KCNK2: variants seen among roughly 807,000 people sequenced by gnomAD.
The protein encoded by KCNK2 is potassium two pore domain channel subfamily K member 2.
Under a neutral mutation model 40.5 loss-of-function variants are expected in KCNK2, and 21 were observed. That is an observed-to-expected ratio of 0.52 (90% CI 0.37 to 0.75). KCNK2 has a LOEUF of 0.75. Ranked by LOEUF, KCNK2 falls within the 30% of genes least tolerant of loss-of-function variation. The pLI is 0.00. For synonymous variants in KCNK2, 191 were observed against 202.2 expected (o/e 0.94, Z 0.47); for missense variants, 399 against 531.6 (o/e 0.75, Z 2.45).
At chr1:215,056,137 C>G (rs1278295826) in intron 1 of KCNK2, among the ~76,000 whole-genome samples, 1 of 151,718 alleles carries the variant, frequency 6.6e-6, no homozygotes, top group South Asian at 2.1e-4. Flanking sequence ...GGAGAAACCC[C>G]GTCTCTACTA....
chr1:215,175,465 GT>G (rs1197547331), intron 5 of KCNK2, among the ~76,000 whole-genome samples: 7 of 147,084 alleles, frequency 4.8e-5, no homozygotes, highest in Non-Finnish European at 1.1e-4. Context: ...TTTTTGTTTT[GT>G]TAAGCACATA....
In KCNK2 at chr1:215,067,524, T is replaced by C. The variant is rs926725152; in HGVS notation, c.35-18844T>C. Among the ~76,000 whole-genome samples, 6 of 152,156 alleles carry C rather than the reference T, an allele frequency of 3.9e-5. No individual in the cohort carries two copies. The South Asian group carries it at 1.2e-3, about 32-fold the overall frequency. On this transcript the variant is annotated intron_variant, in intron 1 of 6. Coordinates refer to the KCNK2 transcript ENST00000391895. ...GGCTTCTAAATAGAATGATTGACTCTATAAGGACCCTTTCCTAGAAGACTT... is the reference window on the plus strand; with the variant it reads ...GGCTTCTAAATAGAATGATTGACTCCATAAGGACCCTTTCCTAGAAGACTT...
At chr1:215,115,027 G>GTA (rs1660867829) in intron 2 of KCNK2, among the ~76,000 whole-genome samples, 1 of 134,838 alleles carries the variant, frequency 7.4e-6, no homozygotes, top group African/African-American at 2.9e-5. Flanking sequence ...GTGTGTGTGT[G>GTA]TACAAAGCTT....
chr1:215,122,763 T>TTTGG (rs1661246846), intron 2 of KCNK2, among the ~76,000 whole-genome samples: 1 of 146,198 alleles, frequency 6.8e-6, no homozygotes. Flanking sequence ...TTTTTTTTTT[T>TTTGG]GAAATGGAGT....
rs147912268 is a variant in KCNK2, at chr1:215,099,350, T to C, written c.357+12672T>C. On this transcript the variant is annotated intron_variant, in intron 2 of 6. Coordinates refer to ENST00000444842, the MANE Select transcript of KCNK2 (RefSeq NM_001017425.3). ...CCCTGAAAAGGACACGATCTCATTC[T>C]TTTTTATGGCTGCATGGTATTCATT... is the stretch of plus-strand genomic sequence containing the variant. Among the ~76,000 whole-genome samples the C allele has an allele frequency of 2.9e-3, 441 of 152,108 alleles. 2 individuals are homozygous for C. Among genetic ancestry groups the C allele is most frequent in the African/African-American group, 8.4e-3 (351 of 41,548 alleles).
intron 2 of KCNK2, among the ~76,000 whole-genome samples, chr1:215,112,680 A>G (rs1660745337): frequency 6.6e-6 from 1 of 152,110 alleles, no homozygotes; most frequent in African/African-American, 2.4e-5. Context: ...TTACTTTTAT[A>G]CCCAATTTTT....
chr1:215,018,047 T>C (rs1164638318), intron 1 of KCNK2, among the ~76,000 whole-genome samples: 3 of 152,184 alleles, frequency 2.0e-5, no homozygotes, highest in Non-Finnish European at 4.4e-5. Flanking sequence ...TAATTTTATA[T>C]AAATTGCATA....
At chr1:215,169,156 A>T in intron 3 of KCNK2, 43 bp from the exon 4 acceptor site, 1 of 1,498,380 alleles carries the variant, frequency 6.7e-7, no homozygotes. Flanking sequence ...CATATGTTTT[A>T]AACAACTATT....
chr1:215,097,633 G>A (rs1296461562), intron 2 of KCNK2, among the ~76,000 whole-genome samples: 1 of 151,966 alleles, frequency 6.6e-6, no homozygotes, highest in Non-Finnish European at 1.5e-5. Context: ...AGCAGATAAA[G>A]TGTAATGGTT....
chr1:215,185,865 A>C (rs1361618440), intron 5 of KCNK2, among the ~76,000 whole-genome samples: 1 of 152,210 alleles, frequency 6.6e-6, no homozygotes, highest in Non-Finnish European at 1.5e-5. Flanking sequence ...CTACATTGTT[A>C]TATTGAACTT....
At chr1:215,189,939 T>C (rs1664598377) in intron 5 of KCNK2, among the ~76,000 whole-genome samples, 2 of 152,182 alleles carry the variant, frequency 1.3e-5, no homozygotes, top group African/African-American at 2.4e-5. Flanking sequence ...AAAATACTTA[T>C]AGGCTGATTT....
intron 6 of KCNK2, among the ~76,000 whole-genome samples, chr1:215,218,654 T>G (rs1666049012): frequency 6.6e-6 from 1 of 152,184 alleles, no homozygotes; most frequent in South Asian, 2.1e-4. Context: ...AACTACCATT[T>G]TCACCTCCCT....
intron 3 of KCNK2, among the ~76,000 whole-genome samples, chr1:215,155,504 A>ATATT (rs1168108704): frequency 6.6e-6 from 1 of 152,032 alleles, no homozygotes; most frequent in Non-Finnish European, 1.5e-5. Context: ...ATTCAGGAAG[A>ATATT]TATTTATTTA....
chr1:215,081,165 A>ATGTGTGTT (rs1491316129), upstream of KCNK2, among the ~76,000 whole-genome samples: 1 of 149,266 alleles, frequency 6.7e-6, no homozygotes, highest in Non-Finnish European at 1.5e-5. Context: ...GTACACGCAA[A>ATGTGTGTT]TGTGTGTGTG....
At chr1:215,217,373 C>T (rs2102695774) in intron 6 of KCNK2, among the ~76,000 whole-genome samples, 1 of 152,266 alleles carries the variant, frequency 6.6e-6, no homozygotes, top group Non-Finnish European at 1.5e-5. Context: ...TTCCATTAGG[C>T]AGAGTTTAAA....
chr1:215,104,365 G>A (rs1660347068), intron 2 of KCNK2, among the ~76,000 whole-genome samples: 1 of 151,862 alleles, frequency 6.6e-6, no homozygotes, highest in South Asian at 2.1e-4. Flanking sequence ...ATCGTTCTAG[G>A]ATCAGAGCTA....
At chr1:215,135,727 TTTTA>T (rs201048211) in intron 3 of KCNK2, among the ~76,000 whole-genome samples, 6,212 of 151,914 alleles carry the variant, frequency 0.041, 176 homozygotes, top group Admixed American at 0.076. Flanking sequence ...TTATTTTTTA[TTTTA>T]TTTATTTATT....
intron 2 of KCNK2, among the ~76,000 whole-genome samples, chr1:215,104,252 G>A (rs1319548903): frequency 6.6e-6 from 1 of 151,940 alleles, no homozygotes. Context: ...GCATACTACT[G>A]GTTAGCAATA....
chr1:215,210,379 A>C lies in KCNK2; in HGVS notation c.963+15287A>C, dbSNP rs151304582. ...CATATATAAGCAGGGCAGGGTAAGAATTGCTTTCCTATTTTGAAGCTTCAT... is the reference window on the plus strand; with the variant it reads ...CATATATAAGCAGGGCAGGGTAAGACTTGCTTTCCTATTTTGAAGCTTCAT... On this transcript the variant is annotated intron_variant, in intron 6 of 6. Transcript: ENST00000444842. 1.8e-3 allele frequency among the ~76,000 whole-genome samples: 279 copies of C among 151,938 alleles called. 1 individual carries two copies. The highest frequency in any genetic ancestry group is 0.01 in the Middle Eastern group (3 of 294).
Sources: gnomAD v4.1 joint callset for allele counts (sites outside exome capture counted in the v4.1 genomes callset) on GRCh38, gnomAD v4.1.1 for gene constraint, MANE v1.5 for transcripts, NCBI Gene and HGNC (gene_info 2026-07-23, HGNC 2026-07-21) for gene names.